Variants in MAP4K4 observed in about 807,000 individuals in gnomAD.
MAP4K4 encodes HPK/GCK-like kinase HGK.
MAP4K4 carries 38 observed loss-of-function variants against 189.6 expected under a neutral mutation model. The ratio of observed to expected loss-of-function variants is 0.20; its 90% CI spans 0.15 to 0.26. The LOEUF (loss-of-function observed/expected upper bound fraction) is 0.26, where lower values mean the gene tolerates loss of function less well. Ranked by LOEUF, MAP4K4 falls within the 10% of genes least tolerant of loss-of-function variation. The pLI, the probability that MAP4K4 is intolerant of heterozygous loss-of-function variation, is 1.00. For missense variants in MAP4K4, 1,054 were observed against 1,726.9 expected, an observed-to-expected ratio of 0.61 and a Z score of 6.91; for synonymous variants, 610 against 624.3, an observed-to-expected ratio of 0.98 and a Z score of 0.34.
At chr2:101,708,353 A>T (rs1054296127) in intron 2 of MAP4K4, among the ~76,000 whole-genome samples, 1 of 152,242 alleles carries the variant, frequency 6.6e-6, no homozygotes, top group East Asian at 1.9e-4. Flanking sequence ...CCAATGAAAC[A>T]ATAACAATAA....
intron 3 of MAP4K4, among the ~76,000 whole-genome samples, chr2:101,808,477 A>T (rs1422816354): frequency 6.6e-6 from 1 of 152,072 alleles, no homozygotes; most frequent in African/African-American, 2.4e-5. Flanking sequence ...CTTTGACTTT[A>T]CTGGTTACTT....
chr2:101,707,019 A>G (rs1442903614), intron 2 of MAP4K4, among the ~76,000 whole-genome samples: 5 of 152,126 alleles, frequency 3.3e-5, no homozygotes, highest in Non-Finnish European at 5.9e-5. Context: ...GGGGCTTTCA[A>G]CCACTAAATA....
At chr2:101,862,210 C>T (rs1424234535) in intron 16 of MAP4K4, 1 of 136,932 alleles carries the variant, frequency 7.3e-6, no homozygotes, top group Non-Finnish European at 1.5e-5. Context: ...TACTGCATGC[C>T]AGCCTGAGTG....
intron 6 of MAP4K4, among the ~76,000 whole-genome samples, chr2:101,830,895 G>C (rs958792484): frequency 4.6e-5 from 7 of 152,208 alleles, no homozygotes; most frequent in African/African-American, 1.7e-4. Flanking sequence ...GGAGTACTCA[G>C]TGAGTGAGTC....
intron 25 of MAP4K4, 124 bp from the exon 26 acceptor site, chr2:101,873,958 A>G (rs2098127144): frequency 1.1e-6 from 1 of 894,796 alleles, no homozygotes; most frequent in African/African-American, 1.7e-5. Context: ...TTGCTTACAG[A>G]TTTCTTCTCT....
At chr2:101,751,393 G>A (rs1203309846) in intron 2 of MAP4K4, among the ~76,000 whole-genome samples, 1 of 152,172 alleles carries the variant, frequency 6.6e-6, no homozygotes, top group African/African-American at 2.4e-5. Flanking sequence ...CTGCTTCCCA[G>A]TGCTGCTTTC....
chr2:101,753,169 G>A (rs2070122515), intron 2 of MAP4K4, among the ~76,000 whole-genome samples: 1 of 152,172 alleles, frequency 6.6e-6, no homozygotes, highest in Non-Finnish European at 1.5e-5. Flanking sequence ...GAAGCTTAGA[G>A]GTATTTGTGC....
chr2:101,870,373 G>C (rs530998892), exon 23 of MAP4K4: 1 of 1,613,584 alleles, frequency 6.2e-7, no homozygotes, highest in Admixed American at 1.7e-5. Context: ...AAAGTGAGCC[G>C]GCCATGACCC....
chr2:101,847,938 C>CT (rs1225271737), intron 12 of MAP4K4, among the ~76,000 whole-genome samples: 21 of 152,098 alleles, frequency 1.4e-4, no homozygotes, highest in Admixed American at 3.3e-4. Context: ...TTTTACTGTA[C>CT]TTTTTTTGTG....
chr2:101,798,100 A>G (rs868171225), intron 3 of MAP4K4, among the ~76,000 whole-genome samples: 1 of 149,014 alleles, frequency 6.7e-6, no homozygotes, highest in African/African-American at 2.5e-5. Context: ...TTTTTGAGAG[A>G]TGGGGTCTTA....
chr2:101,726,444 G>A (rs371433688), intron 2 of MAP4K4, among the ~76,000 whole-genome samples: 27 of 152,112 alleles, frequency 1.8e-4, no homozygotes, highest in African/African-American at 5.6e-4. Context: ...TTCTTCCTTA[G>A]TATTTTAGTT....
chr2:101,731,819 A>G (rs1247135878), intron 2 of MAP4K4, among the ~76,000 whole-genome samples: 2 of 151,924 alleles, frequency 1.3e-5, no homozygotes, highest in East Asian at 3.9e-4. Flanking sequence ...AAAATAAACC[A>G]GAATAATGCA....
intron 21 of MAP4K4, among the ~76,000 whole-genome samples, chr2:101,868,975 C>T (rs947599912): frequency 6.6e-6 from 1 of 151,950 alleles, no homozygotes; most frequent in East Asian, 1.9e-4. Context: ...AAGCAAGCCT[C>T]TAGTTAAATA....
chr2:101,698,214 G>A, intron 1 of MAP4K4, 77 bp downstream of exon 1: 4 of 594,940 alleles, frequency 6.7e-6, no homozygotes, highest in Non-Finnish European at 8.5e-6. Context: ...CAGGTCGGCC[G>A]GGCGCTCGGG....
At chr2:101,761,939 C>G (rs560918279) in intron 2 of MAP4K4, among the ~76,000 whole-genome samples, 1 of 152,164 alleles carries the variant, frequency 6.6e-6, no homozygotes, top group African/African-American at 2.4e-5. Flanking sequence ...TGAGTCAGGG[C>G]AGACATAATT....
At chr2:101,742,959 C>T (rs527271365) in intron 2 of MAP4K4, among the ~76,000 whole-genome samples, 16 of 152,278 alleles carry the variant, frequency 1.1e-4, no homozygotes, top group African/African-American at 3.4e-4. Context: ...ATCAGGCCCA[C>T]GTCCTGCTCT....
intron 10 of MAP4K4, among the ~76,000 whole-genome samples, 176 bp from the exon 11 acceptor site, chr2:101,842,433 G>A (rs1308699052): frequency 6.6e-6 from 1 of 152,182 alleles, no homozygotes; most frequent in African/African-American, 2.4e-5. Context: ...GGGAATAGAT[G>A]CTGTCACTAT....
rs1408071027 is a variant in MAP4K4 at position 101,817,498 on chromosome 2, A to T, written c.181-6430A>T. 2.0e-5 allele frequency among the ~76,000 whole-genome samples: 3 copies of T among 152,266 alleles called. No homozygotes were observed. In the East Asian group the frequency reaches 5.8e-4, roughly 29 times the overall value. ...ACCATCTGAAGTCCTCCCCACCCCC[A>T]TCCATCCAGGTGAATGGTGTCATTG... On this transcript the variant is annotated intron_variant, in intron 3 of 32. Transcript: ENST00000324219.
At chr2:101,873,993 A>T (rs1409007698) in intron 25 of MAP4K4, 89 bp from the exon 26 acceptor site, 1 of 1,154,586 alleles carries the variant, frequency 8.7e-7, no homozygotes, top group African/African-American at 1.5e-5. Context: ...GTTATACCAC[A>T]TGAATATTTA....
Sources: allele counts gnomAD v4.1 joint callset (sites outside exome capture counted in the v4.1 genomes callset), GRCh38; gene constraint gnomAD v4.1.1; transcripts MANE v1.5; gene names NCBI Gene and HGNC (gene_info 2026-07-23, HGNC 2026-07-21).